The following CALU variants were observed in gnomAD, a reference collection of about 807,000 sequenced individuals.
CALU encodes the protein calumenin.
In CALU, 13 loss-of-function variants were observed where a neutral mutation model predicts 37.5. That is an observed-to-expected ratio of 0.35 (90% CI 0.23 to 0.55). The LOEUF (loss-of-function observed/expected upper bound fraction) is 0.55, where lower values mean the gene tolerates loss of function less well. Among genes scored for constraint, CALU ranks in the 20% least tolerant of loss-of-function variants. CALU has a pLI of 0.89. For missense variants in CALU, 282 were observed against 391.7 expected (o/e 0.72, Z 2.36); for synonymous variants, 114 against 133.8 (o/e 0.85, Z 1.02).
At chr7:128,753,008 G>A (rs1221151106) in intron 2 of CALU, among the ~76,000 whole-genome samples, 1 of 152,140 alleles carries the variant, frequency 6.6e-6, no homozygotes, top group African/African-American at 2.4e-5. Flanking sequence ...CTTCTTACTG[G>A]TTTACCTTTC....
At chr7:128,764,331 C>T (rs1466889334) in intron 5 of CALU, among the ~76,000 whole-genome samples, 1 of 151,894 alleles carries the variant, frequency 6.6e-6, no homozygotes, top group East Asian at 1.9e-4. Context: ...CCCAGCAACT[C>T]AGGAGGATCA....
intron 5 of CALU, among the ~76,000 whole-genome samples, chr7:128,764,806 A>T (rs954727974): frequency 3.3e-5 from 5 of 150,916 alleles, no homozygotes; most frequent in African/African-American, 1.2e-4. Context: ...GTTTAAATTT[A>T]TAGGGATTTG....
chr7:128,769,066 G>A lies in CALU; in HGVS notation c.847G>A (p.Gly283Ser), dbSNP rs1801455104. 6.3e-7 allele frequency: 1 copy of A among 1,595,072 alleles called. No individual in the cohort carries two copies. Among genetic ancestry groups the A allele is most frequent in the Admixed American group, 1.7e-5 (1 of 59,676 alleles). ...TCATTGCTATCTCTACTTTCAGGAT[G>A]GCAAGCTTACCAAGGAGGAGATCGT... ...LVYESDQNKDGKLTKEEIVDK... is the reference protein window; with the variant it reads ...LVYESDQNKDSKLTKEEIVDK... Residue 283 changes from glycine (G) to serine (S), a missense_variant, in exon 7 of 7, where the codon GGC becomes AGC. Gly to Ser is a moderately conservative substitution (Grantham distance 56). Transcript: ENST00000249364.
chr7:128,747,004 G>C (rs1800471986), intron 1 of CALU, among the ~76,000 whole-genome samples: 1 of 152,140 alleles, frequency 6.6e-6, no homozygotes, highest in Admixed American at 6.5e-5. Context: ...TCCTGACCTT[G>C]TGATCCACCC....
chr7:128,748,683 C>T lies in CALU; in HGVS notation c.100C>T (p.Leu34Phe), dbSNP rs200127888. The T allele has an allele frequency of 1.2e-6, 2 of 1,614,152 alleles. No homozygotes were observed. The highest frequency in any genetic ancestry group is 4.5e-5 in the East Asian group (2 of 44,878). ...KKDRVHHEPQ[L>F]SDKVHNDAQS... Reference sequence around the variant, plus strand: ...GGACCGTGTACATCATGAGCCTCAGCTCAGTGACAAGGTTCACAATGATGC... The same window carrying T: ...GGACCGTGTACATCATGAGCCTCAGTTCAGTGACAAGGTTCACAATGATGC... The change falls in exon 2 of 7, where the codon CTC becomes TTC. Residue 34 changes from leucine (L) to phenylalanine (F), a missense_variant. Physicochemically the swap from Leu to Phe is conservative, Grantham distance 22. Coordinates refer to ENST00000249364, the MANE Select transcript of CALU (RefSeq NM_001219.5).
chr7:128,760,375 A>G (rs1801062027), intron 5 of CALU, among the ~76,000 whole-genome samples: 1 of 152,186 alleles, frequency 6.6e-6, no homozygotes, highest in Admixed American at 6.5e-5. Context: ...CCCATATGTA[A>G]TTTTAACTTT....
intron 5 of CALU, among the ~76,000 whole-genome samples, chr7:128,766,876 G>C (rs958868647): frequency 3.3e-5 from 5 of 152,216 alleles, no homozygotes; most frequent in South Asian, 2.1e-4. Flanking sequence ...GTTGTGAAAG[G>C]GGGGAGATGG....
At chr7:128,758,052 A>AC (rs546294549) in intron 3 of CALU, among the ~76,000 whole-genome samples, 3 of 151,654 alleles carry the variant, frequency 2.0e-5, no homozygotes, top group South Asian at 2.1e-4. Context: ...CATATCCATT[A>AC]CCCCCCCAAC....
In CALU at chr7:128,765,008, A is replaced by G. The variant is rs549183603; in HGVS notation, c.644-2448A>G. Reference sequence around the variant, plus strand: ...ACAATCACAGCAGCCTCGATCTCCAAGGTGGGGAGATCAAGTGATCCTCTC... The same window carrying G: ...ACAATCACAGCAGCCTCGATCTCCAGGGTGGGGAGATCAAGTGATCCTCTC... On this transcript the variant is annotated intron_variant, in intron 5 of 6. Coordinates refer to ENST00000249364, the MANE Select transcript of CALU (RefSeq NM_001219.5). Among the ~76,000 whole-genome samples the G allele has an allele frequency of 3.3e-5, 5 of 152,266 alleles. No individual in the cohort carries two copies. The East Asian group carries it at 9.6e-4, about 29-fold the overall frequency.
chr7:128,748,347 A>G, intron 1 of CALU: 2 of 1,497,288 alleles, frequency 1.3e-6, no homozygotes, highest in Non-Finnish European at 1.8e-6. Context: ...TTATCAGCCT[A>G]CAATCAGATG....
At position 128,769,051 on chromosome 7, in the gene CALU, C is replaced by T. The variant is rs1801454288; in HGVS notation, c.844-12C>T. The stretch of plus-strand genomic sequence containing the variant: ...ATGTTCTTCTTCAATTCATTGCTAT[C>T]TCTACTTTCAGGATGGCAAGCTTAC... On this transcript the variant is annotated splice_polypyrimidine_tract_variant and intron_variant, in intron 6 of 6. Coordinates refer to ENST00000249364, the MANE Select transcript of CALU (RefSeq NM_001219.5). 2 of 1,482,366 alleles carry T rather than the reference C, an allele frequency of 1.3e-6. No homozygotes were observed. Among genetic ancestry groups the T allele is most frequent in the Admixed American group, 1.7e-5 (1 of 59,438 alleles). 91.8% of individuals were successfully genotyped at this position (1,482,366 alleles called of 1,614,324 possible). A position where few individuals can be genotyped will look rare whatever the true frequency, so the allele number is the denominator to read the frequency against.
intron 3 of CALU, among the ~76,000 whole-genome samples, chr7:128,755,309 C>CAAAAAAAAAAAAAAAAAAAAAA (rs59208090): frequency 1.9e-5 from 1 of 51,526 alleles, no homozygotes; most frequent in Non-Finnish European, 3.8e-5. Context: ...GAGCTCTGTC[C>CAAAAAAAAAAAAAAAAAAAAAA]AAAAAAAAAA....
At chr7:128,744,019 A>G (rs1466465555) in intron 1 of CALU, among the ~76,000 whole-genome samples, 1 of 152,134 alleles carries the variant, frequency 6.6e-6, no homozygotes, top group Non-Finnish European at 1.5e-5. Flanking sequence ...CAACCTGGAC[A>G]ACATGGTGAA....
intron 1 of CALU, among the ~76,000 whole-genome samples, chr7:128,747,278 G>A (rs1399135164): frequency 6.6e-6 from 1 of 152,150 alleles, no homozygotes; most frequent in East Asian, 1.9e-4. Context: ...AACATTGATA[G>A]GAATAGAGTA....
Position 128,772,089 on chromosome 7 carries a change from T to C in CALU, c.*2922T>C, listed in dbSNP as rs1289656027. On this transcript the variant is annotated 3_prime_UTR_variant, in exon 7 of 7. Transcript: ENST00000249364. ...TTTTTTTTTTTGTTTTGTTTTGTTTTTTCTTTATGTCTCTCCCATTTCTAA... is the reference window on the plus strand; with the variant it reads ...TTTTTTTTTTTGTTTTGTTTTGTTTCTTCTTTATGTCTCTCCCATTTCTAA... 1.3e-5 allele frequency among the ~76,000 whole-genome samples: 2 copies of C among 148,828 alleles called. No homozygotes were observed. Among genetic ancestry groups the C allele is most frequent in the Non-Finnish European group, 3.0e-5 (2 of 66,842 alleles).
intron 1 of CALU, among the ~76,000 whole-genome samples, chr7:128,745,721 T>G (rs1249418127): frequency 6.6e-6 from 1 of 152,274 alleles, no homozygotes; most frequent in Non-Finnish European, 1.5e-5. Context: ...TGTTTACTCT[T>G]TAACTGATTT....
In CALU at chr7:128,741,432, T is replaced by C. The variant is rs3807315; in HGVS notation, c.-12+2000T>C. Among the ~76,000 whole-genome samples the C allele has an allele frequency of 2.8e-4, 42 of 152,348 alleles. No individual in the cohort carries two copies. The East Asian group carries it at 6.4e-3, about 23-fold the overall frequency. ...GGGGTAATAATTTGTATTAGAATGATATGTAGACATTCTTCCAGAAATGTC... is the reference window on the plus strand; with the variant it reads ...GGGGTAATAATTTGTATTAGAATGACATGTAGACATTCTTCCAGAAATGTC... On this transcript the variant is annotated intron_variant, in intron 1 of 6. Transcript: ENST00000249364.
At chr7:128,756,875 C>T (rs1022665993) in intron 3 of CALU, among the ~76,000 whole-genome samples, 5 of 152,066 alleles carry the variant, frequency 3.3e-5, no homozygotes, top group East Asian at 3.9e-4. Flanking sequence ...CGGGAATTCG[C>T]GACCAGCCAG....
intron 6 of CALU, among the ~76,000 whole-genome samples, chr7:128,768,751 T>C (rs1801426444): frequency 6.8e-6 from 1 of 146,674 alleles, no homozygotes; most frequent in Non-Finnish European, 1.5e-5. Flanking sequence ...GGCAGAAAAA[T>C]CACTTAAATC....
Sources: gnomAD v4.1 joint callset for allele counts (sites outside exome capture counted in the v4.1 genomes callset) on GRCh38, gnomAD v4.1.1 for gene constraint, MANE v1.5 for transcripts, NCBI Gene and HGNC (gene_info 2026-07-23, HGNC 2026-07-21) for gene names.